The following MFNG variants were observed in gnomAD, a reference collection of about 807,000 sequenced individuals.
MFNG encodes beta-1,3-N-acetylglucosaminyltransferase manic fringe.
A neutral mutation model predicts 34.2 loss-of-function variants in MFNG; 24 were observed. The ratio of observed to expected loss-of-function variants is 0.70; its 90% CI spans 0.51 to 0.99. MFNG has a LOEUF of 0.99. Among genes scored for constraint, MFNG ranks in the 50% least tolerant of loss-of-function variants. MFNG has a pLI of 0.00. For missense variants in MFNG, 383 were observed against 424.0 expected (o/e 0.90, Z 0.85); for synonymous variants, 158 against 179.2 (o/e 0.88, Z 0.94).
intron 5 of MFNG, among the ~76,000 whole-genome samples, chr22:37,475,819 G>A (rs963281648): frequency 1.3e-5 from 2 of 152,208 alleles, no homozygotes; most frequent in Admixed American, 1.3e-4. Flanking sequence ...AAGCCTGGGT[G>A]GGGGCACCCC....
At chr22:37,473,917 G>C (rs1921921254) in intron 6 of MFNG, among the ~76,000 whole-genome samples, 1 of 152,254 alleles carries the variant, frequency 6.6e-6, no homozygotes, top group African/African-American at 2.4e-5. Context: ...TACAGTGTCA[G>C]AGGGCAGCCT....
chr22:37,470,784 G>A (rs1294000023), intron 7 of MFNG, among the ~76,000 whole-genome samples: 1 of 152,186 alleles, frequency 6.6e-6, no homozygotes, highest in Non-Finnish European at 1.5e-5. Context: ...CAAAGGCCTT[G>A]GAGAGGCCCC....
chr22:37,475,175 G>C (rs1337007673), intron 5 of MFNG, among the ~76,000 whole-genome samples: 1 of 152,126 alleles, frequency 6.6e-6, no homozygotes. Flanking sequence ...GAATCAGGCG[G>C]GCTTTCCAGA....
Position 37,482,483 on chromosome 22 carries a change from A to G in MFNG, c.256-1714T>C, listed in dbSNP as rs1022514019. Among the ~76,000 whole-genome samples, 1 of 151,138 alleles carries G rather than the reference A, an allele frequency of 6.6e-6. No individual in the cohort carries two copies. The highest frequency in any genetic ancestry group is 1.5e-5 in the Non-Finnish European group (1 of 67,796). ...CATACACACACACACACACACACGC[A>G]CGTGCGCACGCCTCTGAGCCTCTGC... On this transcript the variant is annotated intron_variant, in intron 1 of 7. Transcript: ENST00000356998. This position sits in a 1 kb window ranked among gnomAD's most constrained non-coding sequence, Gnocchi z 4.1.
chr22:37,475,538 T>C (rs1474817406), intron 5 of MFNG, among the ~76,000 whole-genome samples: 4 of 152,142 alleles, frequency 2.6e-5, no homozygotes, highest in Non-Finnish European at 4.4e-5. Flanking sequence ...CAGGATGGGC[T>C]GGAGTCAGCC....
At chr22:37,484,041 G>T (rs1342510544) in intron 1 of MFNG, among the ~76,000 whole-genome samples, 1 of 152,200 alleles carries the variant, frequency 6.6e-6, no homozygotes. Context: ...AGCCTGCTGG[G>T]GCAGGGGAGG....
In MFNG at chr22:37,486,019, T is replaced by G. The variant is rs144062050; in HGVS notation, c.159A>C (p.Leu53=). The change falls in exon 1 of 8, where the codon CTA becomes CTC. Residue 53 remains leucine, a synonymous_variant. Transcript: ENST00000356998. ...QPNPGPPKLQ[L]HDVFIAVKTT... ...TCTTCACTGCAATGAAGACATCGTG[T>G]AGCTGTAGCTTAGGGGGCCCCGGGT... 9.0e-5 allele frequency: 145 copies of G among 1,614,082 alleles called. No individual in the cohort carries two copies. The African/African-American group carries it at 1.2e-3, about 14-fold the overall frequency.
chr22:37,470,962 C>T (rs1921778062), intron 7 of MFNG, among the ~76,000 whole-genome samples: 1 of 152,160 alleles, frequency 6.6e-6, no homozygotes, highest in Admixed American at 6.5e-5. Context: ...CTTCTCCTAG[C>T]GAACTCCTGC....
At position 37,469,920 on chromosome 22, in the gene MFNG, C is replaced by A; in HGVS notation, c.*43G>T. 1 of 1,504,460 alleles carries A rather than the reference C, an allele frequency of 6.6e-7. No individual in the cohort carries two copies. Among genetic ancestry groups the A allele is most frequent in the South Asian group, 1.2e-5 (1 of 84,366 alleles). The allele number at this position is 1,504,460 out of a possible 1,614,324, so 93.2% of individuals were successfully genotyped here. A position where few individuals can be genotyped will look rare whatever the true frequency, so the allele number is the denominator to read the frequency against. ...CAGTGCCACCTTGGGAGCCAAGGCA[C>A]ACCCAGAAGTCTCTGCCCAACCTTT... On this transcript the variant is annotated 3_prime_UTR_variant, in exon 8 of 8. Coordinates refer to ENST00000356998, the MANE Select transcript of MFNG (RefSeq NM_002405.4).
intron 6 of MFNG, among the ~76,000 whole-genome samples, chr22:37,474,169 G>T (rs1921934972): frequency 6.6e-6 from 1 of 152,216 alleles, no homozygotes; most frequent in Non-Finnish European, 1.5e-5. Context: ...GGGGAGGATG[G>T]AAGACTGAGT....
rs780233047 is a variant in MFNG, at chr22:37,476,905, G to A, written c.638C>T (p.Pro213Leu). ...INRKLALKMAPWASGSRFMDT... is the reference protein window; with the variant it reads ...INRKLALKMALWASGSRFMDT... ...CTGGGTCTCTGCTTACCTGGCCCAC[G>A]GAGCCATCTTCAAAGCCAGTTTGCG... is the stretch of plus-strand genomic sequence containing the variant. Residue 213 changes from proline to leucine, a missense_variant, in exon 5 of 8, where the codon CCG becomes CTG. Pro to Leu is a moderately conservative substitution (Grantham distance 98). Coordinates refer to ENST00000356998, the MANE Select transcript of MFNG (RefSeq NM_002405.4). 1.4e-5 allele frequency: 22 copies of A among 1,558,846 alleles called. No individual in the cohort carries two copies. Among genetic ancestry groups the A allele is most frequent in the Admixed American group, 3.4e-5 (2 of 58,242 alleles).
intron 3 of MFNG, 58 bp downstream of exon 3, chr22:37,480,139 G>A (rs1051599828): frequency 7.1e-7 from 1 of 1,404,044 alleles, no homozygotes; most frequent in Non-Finnish European, 9.9e-7. Context: ...AGGAGTCCCA[G>A]GGGTTATTTT....
chr22:37,479,898 G>T (rs2145734832), intron 3 of MFNG, among the ~76,000 whole-genome samples: 1 of 152,236 alleles, frequency 6.6e-6, no homozygotes, highest in Middle Eastern at 3.4e-3. Flanking sequence ...CAGCTACTTG[G>T]GAGGCTGAGG....
chr22:37,478,529 G>T (rs1922139171), intron 4 of MFNG, among the ~76,000 whole-genome samples: 1 of 152,180 alleles, frequency 6.6e-6, no homozygotes, highest in South Asian at 2.1e-4. Flanking sequence ...GGCGGGTACA[G>T]AGCCCCCTGT....
In MFNG at chr22:37,474,651, G is replaced by C. The variant is rs758825865; in HGVS notation, c.674C>G (p.Ala225Gly). The change falls in exon 6 of 8, where the codon GCT becomes GGT. Residue 225 changes from alanine (A) to glycine (G), a missense_variant. Coordinates refer to ENST00000356998, the MANE Select transcript of MFNG (RefSeq NM_002405.4). The part of the protein sequence containing the change: ...ASGSRFMDTS[A>G]LIRLPDDCTM... ...GCAGTCATCAGGCAGCCGGATGAGAGCAGATGTGTCCATGAAACGGGAGCC... is the reference window on the plus strand; with the variant it reads ...GCAGTCATCAGGCAGCCGGATGAGACCAGATGTGTCCATGAAACGGGAGCC... The C allele has an allele frequency of 6.2e-7, 1 of 1,610,570 alleles. No homozygotes were observed. Among genetic ancestry groups the C allele is most frequent in the South Asian group, 1.1e-5 (1 of 90,794 alleles).
rs1393749090 is a variant in MFNG at position 37,483,402 on chromosome 22, C to T, written c.255+2521G>A. Among the ~76,000 whole-genome samples, 1 of 151,802 alleles carries T rather than the reference C, an allele frequency of 6.6e-6. No individual in the cohort carries two copies. Among genetic ancestry groups the T allele is most frequent in the Non-Finnish European group, 1.5e-5 (1 of 67,996 alleles). ...AGAAACCAGGCCTTTCCTACCCTGC[C>T]CTCGACAAACTTTTGCCACCAAACA... On this transcript the variant is annotated intron_variant, in intron 1 of 7. Coordinates refer to ENST00000356998, the MANE Select transcript of MFNG (RefSeq NM_002405.4). The surrounding 1 kb of genome is among the most constrained non-coding windows in gnomAD (Gnocchi z 4.5).
chr22:37,478,676 T>G (rs1337334804), intron 4 of MFNG, among the ~76,000 whole-genome samples: 1 of 148,988 alleles, frequency 6.7e-6, no homozygotes, highest in Non-Finnish European at 1.5e-5. Flanking sequence ...TTCAGCAATT[T>G]TTTTTTTTTT....
intron 5 of MFNG, among the ~76,000 whole-genome samples, chr22:37,476,414 T>C (rs1018990744): frequency 6.6e-6 from 1 of 152,076 alleles, no homozygotes; most frequent in Non-Finnish European, 1.5e-5. Flanking sequence ...CAGTGTATAG[T>C]GGACTGTCCC....
rs998994168 is a variant in MFNG, at chr22:37,485,111, G to A, written c.255+812C>T. ...GGGCTGGAAGGGACTTGGCTCGCCG[G>A]AGCCGCACAGCCATGTGACAGACAT... On this transcript the variant is annotated intron_variant, in intron 1 of 7. Coordinates refer to ENST00000356998, the MANE Select transcript of MFNG (RefSeq NM_002405.4). The surrounding 1 kb of genome is among the most constrained non-coding windows in gnomAD (Gnocchi z 5.3). 6.6e-6 allele frequency among the ~76,000 whole-genome samples: 1 copy of A among 152,074 alleles called. No individual in the cohort carries two copies. The highest frequency in any genetic ancestry group is 1.5e-5 in the Non-Finnish European group (1 of 68,014).
Sources: gnomAD v4.1 joint callset for allele counts (sites outside exome capture counted in the v4.1 genomes callset) on GRCh38, gnomAD v4.1.1 for gene constraint, Gnocchi (gnomAD v3.1) non-coding constraint, MANE v1.5 for transcripts, NCBI Gene and HGNC (gene_info 2026-07-23, HGNC 2026-07-21) for gene names.